The following ADGRV1 variants were observed in gnomAD, a reference collection of about 807,000 sequenced individuals.
The protein encoded by ADGRV1 is adhesion G protein-coupled receptor V1, also known as G-protein coupled receptor 98.
ADGRV1 carries 359 observed loss-of-function variants against 596.2 expected under a neutral mutation model. The ratio of observed to expected loss-of-function variants is 0.60; its 90% CI spans 0.55 to 0.66. The LOEUF (loss-of-function observed/expected upper bound fraction) is 0.66. Among genes scored for constraint, ADGRV1 ranks in the 30% least tolerant of loss-of-function variants. The pLI is 0.00. For synonymous variants in ADGRV1, 2,681 were observed against 2,679.2 expected (o/e 1.00, Z -0.02); for missense variants, 7,274 against 7,575.6 (o/e 0.96, Z 1.48).
At chr5:91,020,990 G>A (rs1009858468) in intron 85 of ADGRV1, among the ~76,000 whole-genome samples, 4 of 151,976 alleles carry the variant, frequency 2.6e-5, no homozygotes, top group African/African-American at 7.2e-5. Flanking sequence ...TTCATTCCCA[G>A]TTTGCTAATA....
intron 4 of ADGRV1, among the ~76,000 whole-genome samples, chr5:90,622,042 C>T (rs1233024664): frequency 3.3e-5 from 5 of 152,156 alleles, no homozygotes; most frequent in African/African-American, 1.2e-4. Context: ...TGGCTGTGTC[C>T]GTGTTCCTCC....
intron 1 of ADGRV1, among the ~76,000 whole-genome samples, chr5:90,564,835 C>G (rs1469047684): frequency 1.2e-4 from 4 of 33,798 alleles, no homozygotes; most frequent in South Asian, 1.0e-3. Flanking sequence ...ACCGTGTTAG[C>G]CAGGATGGTC....
intron 83 of ADGRV1, among the ~76,000 whole-genome samples, chr5:90,897,475 A>C (rs180884915): frequency 1.9e-3 from 289 of 152,294 alleles, no homozygotes; most frequent in Middle Eastern, 6.8e-3. Context: ...TTGTAGAATT[A>C]AATTTATTAT....
At chr5:91,059,096 G>A (rs1371759096) in intron 85 of ADGRV1, among the ~76,000 whole-genome samples, 1 of 152,114 alleles carries the variant, frequency 6.6e-6, no homozygotes, top group Non-Finnish European at 1.5e-5. Context: ...AGGAGGATTT[G>A]GGCTTAGCAA....
At chr5:91,069,574 T>G (rs540460149) in intron 85 of ADGRV1, among the ~76,000 whole-genome samples, 60 of 152,258 alleles carry the variant, frequency 3.9e-4, no homozygotes, top group African/African-American at 1.4e-3. Flanking sequence ...ATTTCACACC[T>G]GTCAGAATGG....
At chr5:90,919,501 T>TA (rs1032481988) in intron 83 of ADGRV1, among the ~76,000 whole-genome samples, 1 of 152,212 alleles carries the variant, frequency 6.6e-6, no homozygotes, top group Non-Finnish European at 1.5e-5. Context: ...ATAACTGAGA[T>TA]AAAAAATAAC....
chr5:91,151,392 GGATTTT>G (rs1796044852), intron 88 of ADGRV1, among the ~76,000 whole-genome samples: 1 of 152,022 alleles, frequency 6.6e-6, no homozygotes, highest in Admixed American at 6.6e-5. Flanking sequence ...AAGAAATGAA[GGATTTT>G]GATCAAAGGG....
chr5:90,904,913 A>C (rs972878227), intron 83 of ADGRV1, among the ~76,000 whole-genome samples: 2 of 150,936 alleles, frequency 1.3e-5, no homozygotes, highest in African/African-American at 4.9e-5. Context: ...GATTTTTTTT[A>C]TATGGTAGGA....
intron 75 of ADGRV1, among the ~76,000 whole-genome samples, chr5:90,816,555 TC>T (rs1308132462): frequency 2.7e-5 from 4 of 146,082 alleles, no homozygotes; most frequent in Non-Finnish European, 6.0e-5. Flanking sequence ...ATGCTATCCT[TC>T]CCCCCTCCCC....
At chr5:91,091,081 A>G (rs1790342858) in intron 86 of ADGRV1, among the ~76,000 whole-genome samples, 1 of 152,164 alleles carries the variant, frequency 6.6e-6, no homozygotes, top group Admixed American at 6.6e-5. Context: ...CCTGGAATTG[A>G]CATATGTCTA....
intron 86 of ADGRV1, among the ~76,000 whole-genome samples, chr5:91,082,871 A>C (rs1245818124): frequency 6.6e-6 from 1 of 151,998 alleles, no homozygotes; most frequent in Non-Finnish European, 1.5e-5. Context: ...TGTTATTTTC[A>C]TTATTTAAAG....
At chr5:90,916,812 T>TG (rs200158333) in intron 83 of ADGRV1, among the ~76,000 whole-genome samples, 21,630 of 150,192 alleles carry the variant, frequency 0.14, 2,152 homozygotes, top group East Asian at 0.48. Context: ...TTTTGTATTT[T>TG]TAGTAGAGAC....
At chr5:91,070,127 C>T (rs1399873681) in intron 85 of ADGRV1, among the ~76,000 whole-genome samples, 1 of 152,068 alleles carries the variant, frequency 6.6e-6, no homozygotes, top group African/African-American at 2.4e-5. Context: ...TGGAGGGGGG[C>T]AAGGATAACA....
chr5:90,647,375 T>C, intron 16 of ADGRV1, 123 bp from the exon 17 acceptor site: 3 of 888,986 alleles, frequency 3.4e-6, no homozygotes, highest in Non-Finnish European at 5.0e-6. Context: ...ACAGAGCTAA[T>C]TATTTTGGCA....
rs1435350956 is a variant in ADGRV1 at position 90,840,700 on chromosome 5, T to C, written c.16734T>C (p.Asp5578=). The change falls in exon 78 of 90, where the codon GAT becomes GAC. Residue 5578 remains aspartate (D), a synonymous_variant. Coordinates refer to ENST00000405460, the MANE Select transcript of ADGRV1 (RefSeq NM_032119.4). The stretch of plus-strand genomic sequence containing the variant: ...CTGGCCAGAGAAGCACTGTATTGGA[T>C]GTCATCCTAACGCCAGAGACAGGAT... ...FEPGQRSTVL[D]VILTPETGSL... 2 of 1,614,050 alleles carry C rather than the reference T, an allele frequency of 1.2e-6. No homozygotes were observed. The highest frequency in any genetic ancestry group is 2.7e-5 in the African/African-American group (2 of 75,066).
chr5:90,830,344 T>G (rs1422387505), intron 77 of ADGRV1, among the ~76,000 whole-genome samples: 1 of 152,154 alleles, frequency 6.6e-6, no homozygotes, highest in African/African-American at 2.4e-5. Context: ...TTGAGTATTT[T>G]TATTGGAGTA....
rs766548873 is a variant in ADGRV1, at chr5:90,781,546, T to C, written c.13199T>C (p.Ile4400Thr). Residue 4400 changes from isoleucine to threonine, a missense_variant, in exon 65 of 90, where the codon ATT becomes ACT. By Grantham distance (89) the Ile-to-Thr change is moderately conservative. Around this residue, in one of 5 missense-constraint regions of ADGRV1, gnomAD observed 3,643 missense variants for 3,809.2 expected, o/e 0.96. Transcript: ENST00000405460. The stretch of plus-strand genomic sequence containing the variant: ...AAAAATGATAACGCAGAAGGCATCA[T>C]TGAATTTGACCCAAAGTATACTGCC... ...IMKNDNAEGIIEFDPKYTAFE... is the reference protein window; with the variant it reads ...IMKNDNAEGITEFDPKYTAFE... 3.1e-6 allele frequency: 5 copies of C among 1,610,874 alleles called. No homozygotes were observed. The highest frequency in any genetic ancestry group is 2.7e-5 in the African/African-American group (2 of 74,856).
intron 10 of ADGRV1, 104 bp downstream of exon 10, chr5:90,635,394 C>T: frequency 9.8e-7 from 1 of 1,021,348 alleles, no homozygotes; most frequent in South Asian, 2.1e-5. Flanking sequence ...TCTTAAAAAG[C>T]TTCAGCATGT....
At chr5:90,838,716 C>T (rs995701328) in intron 77 of ADGRV1, among the ~76,000 whole-genome samples, 26 of 152,134 alleles carry the variant, frequency 1.7e-4, no homozygotes, top group African/African-American at 6.0e-4. Flanking sequence ...CCTCTTCCTT[C>T]CACCCAATAT....
Sources: gnomAD v4.1 joint callset for allele counts (sites outside exome capture counted in the v4.1 genomes callset) on GRCh38, gnomAD v4.1.1 for gene constraint, gnomAD v4.1.1 regional missense constraint, MANE v1.5 for transcripts, NCBI Gene and HGNC (gene_info 2026-07-23, HGNC 2026-07-21) for gene names.